The following TWIST2 variants were observed in gnomAD, a reference collection of about 807,000 sequenced individuals.
The protein encoded by TWIST2 is twist-related protein 2.
TWIST2 carries 1 observed loss-of-function variant against 11.6 expected under a neutral mutation model. The ratio of observed to expected loss-of-function variants is 0.09; its 90% CI spans 0.03 to 0.41. TWIST2 has a LOEUF of 0.41. Ranked by LOEUF, TWIST2 falls within the 10% of genes least tolerant of loss-of-function variation. TWIST2 has a pLI of 0.98. For synonymous variants in TWIST2, 87 were observed against 96.6 expected (o/e 0.90, Z 0.58); for missense variants, 168 against 226.4 (o/e 0.74, Z 1.66).
In TWIST2 at chr2:238,867,573, A is replaced by T. The variant is rs1346000920; in HGVS notation, c.*35+18840A>T. Among the ~76,000 whole-genome samples the T allele has an allele frequency of 6.6e-6, 1 of 152,088 alleles. No homozygotes were observed. Among genetic ancestry groups the T allele is most frequent in the Non-Finnish European group, 1.5e-5 (1 of 68,034 alleles). ...GGGAACCCTTTGATAAACAGGAAAG[A>T]ATATTTTCACTTTGGCACAGGCCTG... On this transcript the variant is annotated intron_variant, in intron 1 of 1. Transcript: ENST00000612363. This position sits in a 1 kb window ranked among gnomAD's most constrained non-coding sequence, Gnocchi z 4.8.
In TWIST2 at chr2:238,860,390, C is replaced by G. The variant is rs895044803; in HGVS notation, c.*35+11657C>G. Among the ~76,000 whole-genome samples the G allele has an allele frequency of 3.9e-5, 6 of 152,308 alleles. No individual in the cohort carries two copies. The South Asian group carries it at 6.2e-4, about 16-fold the overall frequency. On this transcript the variant is annotated intron_variant, in intron 1 of 1. Transcript: ENST00000612363. ...ACCTGTGTTTGAGACACTGTCAAAA[C>G]CGCCCACCCAAGAGGGATGGGCCAG... is the stretch of plus-strand genomic sequence containing the variant.
At chr2:238,895,462 G>A (rs1693195367) in intron 1 of TWIST2, among the ~76,000 whole-genome samples, 1 of 152,232 alleles carries the variant, frequency 6.6e-6, no homozygotes, top group African/African-American at 2.4e-5. Flanking sequence ...CATGGGTTTT[G>A]TTTGGAGACT....
intron 1 of TWIST2, among the ~76,000 whole-genome samples, chr2:238,893,774 C>T (rs879033386): frequency 0.31 from 47,767 of 152,166 alleles, 7,920 homozygotes; most frequent in East Asian, 0.66. Context: ...TCCCACCAAA[C>T]GTGTGGAAGA....
At chr2:238,870,810 C>G (rs1488383675) in intron 1 of TWIST2, among the ~76,000 whole-genome samples, 1 of 63,348 alleles carries the variant, frequency 1.6e-5, no homozygotes, top group East Asian at 3.9e-4. Flanking sequence ...CCCATGCACA[C>G]ACCACACACC....
At position 238,864,397 on chromosome 2, in the gene TWIST2, G is replaced by T. The variant is rs1484674281; in HGVS notation, c.*35+15664G>T. On this transcript the variant is annotated intron_variant, in intron 1 of 1. Coordinates refer to ENST00000612363, the MANE Select transcript of TWIST2 (RefSeq NM_001271893.4). The surrounding 1 kb of genome is among the most constrained non-coding windows in gnomAD (Gnocchi z 4.7). ...CGGGCCTCCTGCATGAATCAGAGCC[G>T]ACTGGGAGCAGGAGTGACTCAGAGC... Among the ~76,000 whole-genome samples the T allele has an allele frequency of 1.3e-5, 2 of 152,246 alleles. No homozygotes were observed. The highest frequency in any genetic ancestry group is 3.9e-4 in the East Asian group (2 of 5,192).
At chr2:238,862,214 A>G (rs950930297) in intron 1 of TWIST2, among the ~76,000 whole-genome samples, 4 of 152,254 alleles carry the variant, frequency 2.6e-5, no homozygotes, top group Admixed American at 6.5e-5. Flanking sequence ...AAGTCCAGCA[A>G]TCATAAATAA....
chr2:238,848,199 C>T lies in TWIST2; in HGVS notation c.-17C>T. On this transcript the variant is annotated 5_prime_UTR_variant, in exon 1 of 2. Coordinates refer to ENST00000612363, the MANE Select transcript of TWIST2 (RefSeq NM_001271893.4). ...GCGCCCCGGCGCCCCCAGCCCCACG[C>T]GCGCCGGGCGGGCGCCATGGAGGAG... is the stretch of plus-strand genomic sequence containing the variant. 1.6e-6 allele frequency: 2 copies of T among 1,277,034 alleles called. No homozygotes were observed. The highest frequency in any genetic ancestry group is 6.3e-5 in the East Asian group (2 of 31,646). 79.1% of individuals were successfully genotyped at this position (1,277,034 alleles called of 1,614,324 possible).
Position 238,848,166 on chromosome 2 carries a change from C to A in TWIST2, c.-50C>A. On this transcript the variant is annotated 5_prime_UTR_variant, in exon 1 of 2. Coordinates refer to ENST00000612363, the MANE Select transcript of TWIST2 (RefSeq NM_001271893.4). ...GCGACCGCGGGCTTGGCCAGCGGCG[C>A]GCGCTCGGCGCCCCGGCGCCCCCAG... The A allele has an allele frequency of 1.7e-6, 2 of 1,192,344 alleles. No individual in the cohort carries two copies. Among genetic ancestry groups the A allele is most frequent in the South Asian group, 4.1e-5 (1 of 24,142 alleles). The allele number at this position is 1,192,344 out of a possible 1,614,324, so 73.9% of individuals were successfully genotyped here. A position where few individuals can be genotyped will look rare whatever the true frequency, so the allele number is the denominator to read the frequency against.
Position 238,907,740 on chromosome 2 carries a change from GCA to G in TWIST2, c.*36-2097_*36-2096del, listed in dbSNP as rs1693377570. On this transcript the variant is annotated intron_variant, in intron 1 of 1. Transcript: ENST00000612363. ...TACACACACAAACACACACATAAAC[GCA>G]CACAACACACACACAAAAACACACA... 6.7e-5 allele frequency among the ~76,000 whole-genome samples: 9 copies of G among 134,178 alleles called. No homozygotes were observed. In the South Asian group the frequency reaches 2.2e-3, roughly 33 times the overall value. The allele number at this position is 134,178 out of a possible 152,430, so 88.0% of individuals were successfully genotyped here.
intron 1 of TWIST2, among the ~76,000 whole-genome samples, chr2:238,862,942 G>C (rs914364470): frequency 5.9e-5 from 9 of 152,174 alleles, no homozygotes; most frequent in African/African-American, 1.9e-4. Flanking sequence ...ATCAAAGTGT[G>C]TGTGTGCATG....
intron 1 of TWIST2, among the ~76,000 whole-genome samples, chr2:238,902,287 G>T (rs1693276665): frequency 1.3e-5 from 2 of 151,428 alleles, no homozygotes; most frequent in Admixed American, 1.3e-4. Flanking sequence ...GATGGGGTAT[G>T]TGTGATATGG....
chr2:238,848,575 C>T lies in TWIST2; in HGVS notation c.360C>T (p.Val120=), dbSNP rs1183484316. ...AARYIDFLYQ[V]LQSDEMDNKM... is the part of the protein sequence containing the mutation. ...GGTACATAGACTTCCTCTACCAGGT[C>T]CTGCAGAGCGACGAGATGGACAATA... The change falls in exon 1 of 2, where the codon GTC becomes GTT. Residue 120 remains valine (V), a synonymous_variant. Transcript: ENST00000612363. 3.2e-6 allele frequency: 5 copies of T among 1,580,854 alleles called. No individual in the cohort carries two copies. The highest frequency in any genetic ancestry group is 2.7e-5 in the African/African-American group (2 of 74,158).
intron 1 of TWIST2, among the ~76,000 whole-genome samples, chr2:238,897,817 C>T (rs1693223477): frequency 6.6e-6 from 1 of 152,240 alleles, no homozygotes; most frequent in African/African-American, 2.4e-5. Context: ...CTACCCGGAG[C>T]CGTCTGGCCC....
At chr2:238,872,128 T>C (rs984695955) in intron 1 of TWIST2, among the ~76,000 whole-genome samples, 1 of 152,158 alleles carries the variant, frequency 6.6e-6, no homozygotes, top group Non-Finnish European at 1.5e-5. Flanking sequence ...ACTCCTGGGC[T>C]GGGGGGGTCC....
chr2:238,872,597 G>A (rs180937683), intron 1 of TWIST2, among the ~76,000 whole-genome samples: 1 of 152,308 alleles, frequency 6.6e-6, no homozygotes, highest in Admixed American at 6.5e-5. Flanking sequence ...ACAAATATGA[G>A]TCTTCAAGGT....
intron 1 of TWIST2, among the ~76,000 whole-genome samples, chr2:238,872,702 C>T (rs987279169): frequency 6.6e-6 from 1 of 152,206 alleles, no homozygotes; most frequent in Non-Finnish European, 1.5e-5. Flanking sequence ...GGCCTAGCCA[C>T]GGAGCAGGTA....
intron 1 of TWIST2, among the ~76,000 whole-genome samples, chr2:238,861,845 G>A (rs1413773888): frequency 6.6e-6 from 1 of 152,200 alleles, no homozygotes; most frequent in Non-Finnish European, 1.5e-5. Context: ...TGAGTATCTT[G>A]ATGAAATCTC....
intron 1 of TWIST2, among the ~76,000 whole-genome samples, chr2:238,905,928 TGTGCGCGTGTGTGTGC>T (rs1693342112): frequency 9.5e-6 from 1 of 105,002 alleles, no homozygotes; most frequent in African/African-American, 4.8e-5. Context: ...CAGGTGTGCG[TGTGCGCGTGTGTGTGC>T]GCGCGCGTGT....
chr2:238,850,035 T>G (rs552804984), intron 1 of TWIST2, among the ~76,000 whole-genome samples: 1 of 152,354 alleles, frequency 6.6e-6, no homozygotes, highest in African/African-American at 2.4e-5. Flanking sequence ...TTTCTTTTTT[T>G]ATGTGGTTCT....
Sources: gnomAD v4.1 joint callset for allele counts (sites outside exome capture counted in the v4.1 genomes callset) on GRCh38, gnomAD v4.1.1 for gene constraint, Gnocchi (gnomAD v3.1) non-coding constraint, MANE v1.5 for transcripts, NCBI Gene and HGNC (gene_info 2026-07-23, HGNC 2026-07-21) for gene names.